CHD9: variants seen among roughly 807,000 people sequenced by gnomAD.
CHD9 encodes chromodomain helicase DNA binding protein 9.
In CHD9, 77 loss-of-function variants were observed where a neutral mutation model predicts 316.1. The observed-to-expected ratio is 0.24, with a 90% CI of 0.20 to 0.29. CHD9 has a LOEUF of 0.29. Ranked by LOEUF, CHD9 falls within the 10% of genes least tolerant of loss-of-function variation. The probability of loss-of-function intolerance (pLI) is 1.00; values close to 1 mark genes in which losing one functional copy is unlikely to be tolerated. For synonymous variants in CHD9, 1,129 were observed against 1,158.3 expected (o/e 0.97, Z 0.51); for missense variants, 2,763 against 3,438.1 (o/e 0.80, Z 4.91).
intron 1 of CHD9, among the ~76,000 whole-genome samples, chr16:53,114,622 C>G (rs915104260): frequency 4.0e-5 from 6 of 151,656 alleles, no homozygotes; most frequent in African/African-American, 1.5e-4. Flanking sequence ...GAGTCTCGCT[C>G]TGTCACCCAG....
intron 10 of CHD9, among the ~76,000 whole-genome samples, chr16:53,232,089 T>G (rs994085265): frequency 6.6e-6 from 1 of 152,204 alleles, no homozygotes; most frequent in African/African-American, 2.4e-5. Context: ...ATAACTATTT[T>G]CTGATCTTCC....
intron 1 of CHD9, among the ~76,000 whole-genome samples, chr16:53,084,891 A>T (rs971301594): frequency 6.6e-6 from 1 of 152,280 alleles, no homozygotes; most frequent in East Asian, 1.9e-4. Flanking sequence ...TCGTCTGTCC[A>T]CACCCTCTAC....
intron 2 of CHD9, among the ~76,000 whole-genome samples, chr16:53,198,447 C>T (rs967518057): frequency 4.0e-5 from 6 of 151,880 alleles, no homozygotes; most frequent in African/African-American, 9.7e-5. Context: ...CTGCCTCAGC[C>T]TCCCAAGTAG....
At chr16:53,061,550 C>G (rs1417744708) in intron 1 of CHD9, among the ~76,000 whole-genome samples, 1 of 151,956 alleles carries the variant, frequency 6.6e-6, no homozygotes, top group African/African-American at 2.4e-5. Context: ...GGAGAAAAGC[C>G]AATAAAAAAG....
chr16:53,256,386 T>C (rs973002335), intron 19 of CHD9, among the ~76,000 whole-genome samples: 113 of 142,216 alleles, frequency 7.9e-4, no homozygotes, highest in African/African-American at 2.6e-3. Context: ...CTTTTCTTTT[T>C]TTTTTTTTTT....
chr16:53,098,936 C>T (rs2036605022), intron 1 of CHD9, among the ~76,000 whole-genome samples: 1 of 152,150 alleles, frequency 6.6e-6, no homozygotes, highest in South Asian at 2.1e-4. Context: ...TATAGCTTTC[C>T]TCTATAGTGT....
chr16:53,183,931 C>G (rs2043757750), intron 2 of CHD9, among the ~76,000 whole-genome samples: 1 of 152,010 alleles, frequency 6.6e-6, no homozygotes, highest in South Asian at 2.1e-4. Flanking sequence ...TTCACAGGTA[C>G]CTGGCTAATT....
intron 1 of CHD9, among the ~76,000 whole-genome samples, chr16:53,148,034 T>C (rs1340139378): frequency 1.3e-5 from 2 of 151,796 alleles, no homozygotes; most frequent in African/African-American, 4.8e-5. Context: ...TGAAACCCTG[T>C]GTCTACTAAA....
intron 29 of CHD9, among the ~76,000 whole-genome samples, chr16:53,295,913 A>G (rs2054742241): frequency 6.6e-6 from 1 of 152,194 alleles, no homozygotes; most frequent in African/African-American, 2.4e-5. Context: ...GGAGCTTTCA[A>G]GTGAAAGAGA....
chr16:53,292,654 T>A (rs2054441220), intron 28 of CHD9, among the ~76,000 whole-genome samples, 179 bp from the exon 29 acceptor site: 1 of 152,244 alleles, frequency 6.6e-6, no homozygotes, highest in African/African-American at 2.4e-5. Flanking sequence ...TTTGAACTGC[T>A]CTTAAAGTTT....
At position 53,209,799 on chromosome 16, in the gene CHD9, G is replaced by A. The variant is rs1429056715; in HGVS notation, c.1770G>A (p.Glu590=). The change falls in exon 3 of 39, where the codon GAG becomes GAA. Residue 590 remains glutamate (E), a synonymous_variant. Transcript: ENST00000447540. The part of the protein sequence containing the change: ...KKTKTCSKLK[E]KTKIGKLIIT... ...CAAAAACATGTTCTAAGTTAAAAGA[G>A]AAGACAAAAATTGGGTAAGTTGGTT... 4 of 1,569,634 alleles carry A rather than the reference G, an allele frequency of 2.5e-6. No homozygotes were observed.
rs1180068785 is a variant in CHD9 at position 53,297,130 on chromosome 16, G to A, written c.5685G>A (p.Arg1895=). 3 of 1,613,728 alleles carry A rather than the reference G, an allele frequency of 1.9e-6. No homozygotes were observed. Among genetic ancestry groups the A allele is most frequent in the Non-Finnish European group, 2.5e-6 (3 of 1,179,802 alleles). Residue 1895 remains arginine, a synonymous_variant, in exon 30 of 39, where the codon CGG becomes CGA. Transcript: ENST00000447540. ...TGTACGCATTCATGTCCATGTGTCGGAGGGTTTGTCGTCTTCCTTCCAAAG... is the reference window on the plus strand; with the variant it reads ...TGTACGCATTCATGTCCATGTGTCGAAGGGTTTGTCGTCTTCCTTCCAAAG... ...KYLYAFMSMC[R]RVCRLPSKEE...
At chr16:53,224,370 T>C (rs893073479) in intron 4 of CHD9, among the ~76,000 whole-genome samples, 11 of 152,224 alleles carry the variant, frequency 7.2e-5, no homozygotes, top group Admixed American at 3.3e-4. Flanking sequence ...TGGCTTTACC[T>C]AAGTAATGTG....
intron 1 of CHD9, among the ~76,000 whole-genome samples, chr16:53,064,945 G>T (rs981980970): frequency 6.6e-6 from 1 of 152,072 alleles, no homozygotes; most frequent in African/African-American, 2.4e-5. Flanking sequence ...CTCCAGCCTG[G>T]GCGACAGAGC....
intron 1 of CHD9, among the ~76,000 whole-genome samples, chr16:53,145,055 GATACATT>G (rs1468107776): frequency 3.5e-4 from 53 of 150,602 alleles, no homozygotes; most frequent in Non-Finnish European, 6.5e-4. Context: ...ATTAAGCAAA[GATACATT>G]ATATGTCCAT....
At chr16:53,311,102 C>G (rs1372786788) in intron 34 of CHD9, 2 of 150,468 alleles carry the variant, frequency 1.3e-5, no homozygotes, top group Non-Finnish European at 2.9e-5. Flanking sequence ...GGAAGGATCA[C>G]TTGATCTCAG....
At chr16:53,285,440 G>A (rs575340669) in intron 24 of CHD9, among the ~76,000 whole-genome samples, 156 bp from the exon 25 acceptor site, 7 of 150,630 alleles carry the variant, frequency 4.6e-5, no homozygotes, top group Non-Finnish European at 5.9e-5. Context: ...GCACAATTTC[G>A]TAATTTTAAT....
At chr16:53,222,582 T>A (rs12597253) in intron 3 of CHD9, 62 bp from the exon 4 acceptor site, 217,205 of 769,784 alleles carry the variant, frequency 0.28, 31,407 homozygotes, top group Middle Eastern at 0.33. Flanking sequence ...ACAATCTTAA[T>A]TTAATCAAAT....
chr16:53,303,045 A>C (rs2055588173), intron 30 of CHD9, among the ~76,000 whole-genome samples: 1 of 152,152 alleles, frequency 6.6e-6, no homozygotes, highest in Non-Finnish European at 1.5e-5. Flanking sequence ...ATGTCCTCTT[A>C]CCTTTTGCAG....
Sources: gnomAD v4.1 joint callset for allele counts (sites outside exome capture counted in the v4.1 genomes callset) on GRCh38, gnomAD v4.1.1 for gene constraint, MANE v1.5 for transcripts, NCBI Gene and HGNC (gene_info 2026-07-23, HGNC 2026-07-21) for gene names.